The following PRICKLE1 variants were observed in gnomAD, a reference collection of about 807,000 sequenced individuals.
The protein encoded by PRICKLE1 is prickle planar cell polarity protein 1, also known as prickle-like protein 1.
A neutral mutation model predicts 70.2 loss-of-function variants in PRICKLE1; 14 were observed. The observed-to-expected ratio is 0.20, with a 90% CI of 0.13 to 0.31. The LOEUF is 0.31. PRICKLE1 is among the 10% of genes least tolerant of loss of function. The probability of loss-of-function intolerance (pLI) is 1.00; values close to 1 mark genes in which losing one functional copy is unlikely to be tolerated. For missense variants in PRICKLE1, 821 were observed against 1,026.2 expected, an observed-to-expected ratio of 0.80 and a Z score of 2.73; for synonymous variants, 357 against 379.9, an observed-to-expected ratio of 0.94 and a Z score of 0.70.
intron 1 of PRICKLE1, among the ~76,000 whole-genome samples, chr12:42,549,545 A>C (rs1940273414): frequency 6.6e-6 from 1 of 152,076 alleles, no homozygotes; most frequent in South Asian, 2.1e-4. Context: ...GATGACTCAA[A>C]GGCACCACAC....
chr12:42,501,278 G>A (rs1348922558), intron 1 of PRICKLE1, among the ~76,000 whole-genome samples: 1 of 152,064 alleles, frequency 6.6e-6, no homozygotes, highest in African/African-American at 2.4e-5. Context: ...GATGAGGCAG[G>A]CAGATCATGA....
intron 1 of PRICKLE1, among the ~76,000 whole-genome samples, chr12:42,571,927 C>T (rs1048836948): frequency 5.3e-5 from 8 of 152,108 alleles, no homozygotes; most frequent in African/African-American, 1.9e-4. Context: ...ATATAAAGGA[C>T]TATGTCTATA....
intron 1 of PRICKLE1, among the ~76,000 whole-genome samples, chr12:42,570,115 G>A (rs1215508648): frequency 1.3e-5 from 2 of 152,240 alleles, no homozygotes; most frequent in South Asian, 2.1e-4. Context: ...GAGCGGTTAT[G>A]ACCGCCTACC....
intron 7 of PRICKLE1, chr12:42,460,876 G>T: frequency 1.6e-6 from 1 of 632,662 alleles, no homozygotes; most frequent in Non-Finnish European, 2.7e-6. Flanking sequence ...AGCCTTTTTT[G>T]TTTTGTTTTT....
chr12:42,458,431 A>G lies in PRICKLE1; in HGVS notation c.*1378T>C, dbSNP rs1165686513. On this transcript the variant is annotated 3_prime_UTR_variant, in exon 8 of 8. Coordinates refer to ENST00000345127, the MANE Select transcript of PRICKLE1 (RefSeq NM_153026.3). ...CCACTAGAACCTTTAGTTAGGACTG[A>G]GATGTATATGCAAGAGTGGCACATA... is the stretch of plus-strand genomic sequence containing the variant. 6.6e-6 allele frequency: 1 copy of G among 152,252 alleles called. No individual in the cohort carries two copies. Among genetic ancestry groups the G allele is most frequent in the Non-Finnish European group, 1.5e-5 (1 of 68,052 alleles). 9.4% of individuals were successfully genotyped at this position (152,252 alleles called of 1,614,324 possible).
chr12:42,521,800 T>C (rs890329273), intron 1 of PRICKLE1, among the ~76,000 whole-genome samples: 1 of 152,140 alleles, frequency 6.6e-6, no homozygotes, highest in Admixed American at 6.5e-5. Flanking sequence ...GCATTAAGAA[T>C]GTCTCATGTG....
intron 1 of PRICKLE1, among the ~76,000 whole-genome samples, chr12:42,501,559 T>G (rs1366316313): frequency 6.9e-6 from 1 of 144,468 alleles, no homozygotes; most frequent in African/African-American, 2.5e-5. Context: ...CAAATTCCTA[T>G]ACAAGCAACA....
At chr12:42,487,915 G>A (rs1019730635) in intron 1 of PRICKLE1, among the ~76,000 whole-genome samples, 16 of 152,146 alleles carry the variant, frequency 1.1e-4, no homozygotes, top group African/African-American at 3.4e-4. Flanking sequence ...GCATGGTGGC[G>A]GGCGCCTGTA....
chr12:42,572,341 C>T (rs568483736), intron 1 of PRICKLE1, among the ~76,000 whole-genome samples: 328 of 151,564 alleles, frequency 2.2e-3, no homozygotes, highest in Non-Finnish European at 2.8e-3. Context: ...GAGGCTGAGG[C>T]AGGAGAATCA....
chr12:42,487,948 AG>A (rs1309781364), intron 1 of PRICKLE1, among the ~76,000 whole-genome samples: 1 of 152,184 alleles, frequency 6.6e-6, no homozygotes, highest in East Asian at 1.9e-4. Context: ...TGGGAGGCTG[AG>A]GCAAGAGAAT....
At chr12:42,581,839 C>T (rs1406606463) in intron 1 of PRICKLE1, among the ~76,000 whole-genome samples, 2 of 152,094 alleles carry the variant, frequency 1.3e-5, no homozygotes, top group African/African-American at 2.4e-5. Context: ...GATACACTAT[C>T]ATAACCTGGT....
At chr12:42,555,320 C>T (rs1395964425) in intron 1 of PRICKLE1, among the ~76,000 whole-genome samples, 5 of 151,902 alleles carry the variant, frequency 3.3e-5, no homozygotes, top group African/African-American at 9.7e-5. Flanking sequence ...CAAAACAAAG[C>T]AAAAAGCAGT....
chr12:42,584,355 T>G (rs1383513050), intron 1 of PRICKLE1: 1 of 152,204 alleles, frequency 6.6e-6, no homozygotes, highest in African/African-American at 2.4e-5. Context: ...CATTAGCTAC[T>G]TACAATATGC....
chr12:42,477,651 C>G (rs367715419), intron 1 of PRICKLE1, among the ~76,000 whole-genome samples: 1 of 151,682 alleles, frequency 6.6e-6, no homozygotes, highest in Admixed American at 6.6e-5. Flanking sequence ...GGCTGAAGGT[C>G]TTCCTGAGGA....
rs746728526 is a variant in PRICKLE1 at position 42,468,791 on chromosome 12, G to A, written c.423C>T (p.Phe141=). 24 of 1,614,020 alleles carry A rather than the reference G, an allele frequency of 1.5e-5. No homozygotes were observed. Among genetic ancestry groups the A allele is most frequent in the East Asian group, 6.7e-5 (3 of 44,892 alleles). The stretch of plus-strand genomic sequence containing the variant: ...ACACACCAGGGCCCGCACGGGAGGC[G>A]AACACTGCAACTTCACCTCCATTTA... ...LKINGGEVAV[F]ASRAGPGVCW... The change falls in exon 5 of 8, where the codon TTC becomes TTT. Residue 141 remains phenylalanine (F), a synonymous_variant. Transcript: ENST00000345127.
chr12:42,498,176 C>CA (rs71435911), intron 1 of PRICKLE1, among the ~76,000 whole-genome samples: 5 of 137,828 alleles, frequency 3.6e-5, no homozygotes, highest in African/African-American at 1.4e-4. Context: ...TTCTCTCTCT[C>CA]TTTTTTTTTT....
chr12:42,553,681 G>A (rs1940365384), intron 1 of PRICKLE1, among the ~76,000 whole-genome samples: 1 of 152,066 alleles, frequency 6.6e-6, no homozygotes, highest in African/African-American at 2.4e-5. Context: ...TGGAGGGAGT[G>A]GTACTCTAGC....
intron 1 of PRICKLE1, among the ~76,000 whole-genome samples, chr12:42,582,041 T>C (rs1297721425): frequency 1.3e-5 from 2 of 152,198 alleles, no homozygotes; most frequent in Non-Finnish European, 2.9e-5. Context: ...AAAAAAAATA[T>C]GTTCCCAGTA....
intron 1 of PRICKLE1, among the ~76,000 whole-genome samples, chr12:42,518,841 G>A (rs1181306664): frequency 1.3e-5 from 2 of 152,154 alleles, no homozygotes; most frequent in African/African-American, 4.8e-5. Flanking sequence ...ATAGCCTTCT[G>A]ATAAACTGCA....
Sources: allele counts gnomAD v4.1 joint callset (sites outside exome capture counted in the v4.1 genomes callset), GRCh38; gene constraint gnomAD v4.1.1; transcripts MANE v1.5; gene names NCBI Gene and HGNC (gene_info 2026-07-23, HGNC 2026-07-21).